The following RARB variants were observed in gnomAD, a reference collection of about 807,000 sequenced individuals.
The protein encoded by RARB is HBV-activated protein.
Under a neutral mutation model 51.9 loss-of-function variants are expected in RARB, and 17 were observed. That is an observed-to-expected ratio of 0.33 (90% confidence interval 0.22 to 0.49). The LOEUF (loss-of-function observed/expected upper bound fraction) is 0.49. RARB is among the 20% of genes least tolerant of loss of function. The pLI, the probability that RARB is intolerant of heterozygous loss-of-function variation, is 0.99. For synonymous variants in RARB, 215 were observed against 195.4 expected (o/e 1.10, Z -0.84); for missense variants, 369 against 550.8 (o/e 0.67, Z 3.30).
At chr3:24,992,040 C>G (rs1696923798) in intron 2 of RARB, among the ~76,000 whole-genome samples, 2 of 152,264 alleles carry the variant, frequency 1.3e-5, no homozygotes, top group South Asian at 2.1e-4. Context: ...TACCAGGGCA[C>G]TCCCCACGTG....
At chr3:25,159,179 T>TG in intron 4 of RARB, among the ~76,000 whole-genome samples, 1 of 128,734 alleles carries the variant, frequency 7.8e-6, no homozygotes, top group African/African-American at 3.1e-5. Context: ...TTTTTTTTTT[T>TG]TGAGATGGAG....
chr3:25,168,499 T>C (rs576405125), intron 4 of RARB, among the ~76,000 whole-genome samples: 5 of 152,302 alleles, frequency 3.3e-5, no homozygotes, highest in South Asian at 4.1e-4. Flanking sequence ...GTGCTGGGTT[T>C]ACAGGCATAA....
chr3:25,257,501 A>G (rs192931853), intron 5 of RARB, among the ~76,000 whole-genome samples: 20 of 152,204 alleles, frequency 1.3e-4, no homozygotes, highest in Admixed American at 9.2e-4. Flanking sequence ...GAAAACCAGG[A>G]CAGAAGAGTT....
At chr3:25,249,536 G>A (rs1021679786) in intron 5 of RARB, among the ~76,000 whole-genome samples, 1 of 151,922 alleles carries the variant, frequency 6.6e-6, no homozygotes, top group African/African-American at 2.4e-5. Context: ...ATTGATATCT[G>A]TACCTCTGAT....
intron 5 of RARB, among the ~76,000 whole-genome samples, chr3:25,410,717 T>C (rs2125500357): frequency 6.6e-6 from 1 of 152,362 alleles, no homozygotes; most frequent in Middle Eastern, 3.4e-3. Flanking sequence ...GGTATCTCTA[T>C]GCAGCTTTTT....
rs397874262 is a variant in RARB at position 25,159,154 on chromosome 3, CTTTTTTT to C, written c.-279-14945_-279-14939del. 1.1e-4 allele frequency among the ~76,000 whole-genome samples: 7 copies of C among 65,304 alleles called. 1 individual carries two copies. Among genetic ancestry groups the C allele is most frequent in the Admixed American group, 8.5e-4 (5 of 5,878 alleles). 42.8% of individuals were successfully genotyped at this position (65,304 alleles called of 152,430 possible). A position where few individuals can be genotyped will look rare whatever the true frequency, so the allele number is the denominator to read the frequency against. ...TCCCAAGAAAACTGTTCCAAATTGT[CTTTTTTT>C]TTTTTTTTTTTTTTTTTTTGAGATG... On this transcript the variant is annotated intron_variant, in intron 4 of 11. Transcript: ENST00000383772.
chr3:25,440,608 T>C (rs1204152204), intron 1 of RARB, among the ~76,000 whole-genome samples: 1 of 151,716 alleles, frequency 6.6e-6, no homozygotes, highest in East Asian at 1.9e-4. Flanking sequence ...CCGTCTCTAC[T>C]AAAAATACAA....
At chr3:25,162,024 G>A (rs1376290062) in intron 4 of RARB, among the ~76,000 whole-genome samples, 1 of 152,222 alleles carries the variant, frequency 6.6e-6, no homozygotes, top group Non-Finnish European at 1.5e-5. Flanking sequence ...AGCAGAACCT[G>A]TGTGGACTGA....
intron 1 of RARB, among the ~76,000 whole-genome samples, chr3:24,855,765 T>TTG (rs1466984180): frequency 7.7e-6 from 1 of 130,628 alleles, no homozygotes; most frequent in African/African-American, 2.6e-5. Context: ...TTTTTTTTTT[T>TTG]GAGACAGAGT....
At chr3:25,355,725 C>T (rs1705713316) in intron 5 of RARB, among the ~76,000 whole-genome samples, 2 of 151,986 alleles carry the variant, frequency 1.3e-5, no homozygotes, top group Non-Finnish European at 2.9e-5. Context: ...ACATTGTGAC[C>T]ACAGCATTTT....
intron 2 of RARB, among the ~76,000 whole-genome samples, chr3:25,015,391 G>GA (rs1214925451): frequency 6.6e-6 from 1 of 152,140 alleles, no homozygotes; most frequent in African/African-American, 2.4e-5. Context: ...ATTTCATTGG[G>GA]AGAGAATATT....
At chr3:25,133,321 G>A (rs1255334093) in intron 4 of RARB, among the ~76,000 whole-genome samples, 1 of 151,864 alleles carries the variant, frequency 6.6e-6, no homozygotes, top group Non-Finnish European at 1.5e-5. Flanking sequence ...TTAAAAACAT[G>A]GTTATGGAGC....
chr3:25,434,141 A>C (rs946930179), intron 1 of RARB, among the ~76,000 whole-genome samples: 2 of 152,214 alleles, frequency 1.3e-5, no homozygotes, highest in Non-Finnish European at 1.5e-5. Context: ...GTCAGGGCTC[A>C]GGGATTCCAG....
intron 5 of RARB, among the ~76,000 whole-genome samples, chr3:25,295,564 G>T (rs1455269790): frequency 6.6e-6 from 1 of 152,102 alleles, no homozygotes; most frequent in Non-Finnish European, 1.5e-5. Flanking sequence ...TAACCTCTCT[G>T]GTCTCTTGTT....
At chr3:25,007,345 G>T (rs1162812657) in intron 2 of RARB, among the ~76,000 whole-genome samples, 2 of 152,020 alleles carry the variant, frequency 1.3e-5, no homozygotes, top group Non-Finnish European at 2.9e-5. Context: ...CACACTCATG[G>T]CCGGGTGTAG....
chr3:25,085,099 A>G (rs1192073568), intron 3 of RARB, among the ~76,000 whole-genome samples: 1 of 152,208 alleles, frequency 6.6e-6, no homozygotes, highest in Non-Finnish European at 1.5e-5. Flanking sequence ...GCATCATTCC[A>G]AAAGCAGAAT....
At position 25,584,048 on chromosome 3, in the gene RARB, C is replaced by T. The variant is rs146305286; in HGVS notation, c.786+3326C>T. On this transcript the variant is annotated intron_variant, in intron 5 of 7. Transcript: ENST00000330688. ...TCTCACCTGCCTCTTCTCCTCTGCA[C>T]GTAATTAGGATCAAGTCTCTCTCAA... Among the ~76,000 whole-genome samples the T allele has an allele frequency of 2.6e-3, 398 of 152,202 alleles. 3 individuals carry two copies. Among genetic ancestry groups the T allele is most frequent in the African/African-American group, 8.8e-3 (367 of 41,516 alleles).
At chr3:24,894,777 G>A (rs183133257) in intron 2 of RARB, among the ~76,000 whole-genome samples, 33 of 152,276 alleles carry the variant, frequency 2.2e-4, no homozygotes, top group Admixed American at 4.6e-4. Flanking sequence ...TATCAATTAT[G>A]TGTTTAGGGG....
At chr3:25,086,980 G>A (rs927184795) in intron 3 of RARB, among the ~76,000 whole-genome samples, 1 of 152,020 alleles carries the variant, frequency 6.6e-6, no homozygotes, top group Non-Finnish European at 1.5e-5. Context: ...AAAGGGAAGG[G>A]GATTCTCTAC....
Sources: allele counts gnomAD v4.1 joint callset (sites outside exome capture counted in the v4.1 genomes callset), GRCh38; gene constraint gnomAD v4.1.1; transcripts MANE v1.5; gene names NCBI Gene and HGNC (gene_info 2026-07-23, HGNC 2026-07-21).